VPS13A: variants seen among roughly 807,000 people sequenced by gnomAD.
VPS13A encodes the protein intermembrane lipid transfer protein VPS13A.
Under a neutral mutation model 390.9 loss-of-function variants are expected in VPS13A, and 264 were observed. The observed-to-expected ratio is 0.68, with a 90% CI of 0.61 to 0.75. VPS13A has a LOEUF of 0.75. Ranked by LOEUF, VPS13A falls within the 30% of genes least tolerant of loss-of-function variation. The pLI is 0.00. For missense variants in VPS13A, 3,409 were observed against 3,733.9 expected (o/e 0.91, Z 2.27); for synonymous variants, 1,231 against 1,227.1 (o/e 1.00, Z -0.07).
chr9:77,410,424 G>A (rs1169536198), intron 71 of VPS13A, among the ~76,000 whole-genome samples: 4 of 152,076 alleles, frequency 2.6e-5, no homozygotes, highest in African/African-American at 7.2e-5. Context: ...CATAATGACA[G>A]GATCAAATTC....
At chr9:77,384,077 C>T (rs1833574068) in intron 68 of VPS13A, among the ~76,000 whole-genome samples, 1 of 151,054 alleles carries the variant, frequency 6.6e-6, no homozygotes, top group East Asian at 1.9e-4. Context: ...GATTTAAAAT[C>T]CATCTCATCT....
chr9:77,189,060 A>G lies in VPS13A; in HGVS notation c.101-10885A>G, dbSNP rs1450218730. Among the ~76,000 whole-genome samples, 20 of 144,836 alleles carry G rather than the reference A, an allele frequency of 1.4e-4. No individual in the cohort carries two copies. In the East Asian group the frequency reaches 4.1e-3, roughly 30 times the overall value. The stretch of plus-strand genomic sequence containing the variant: ...GCAAATGTTTTCTCCCATTTTGTAG[A>G]TTGTCTGTTTACTCTGTGGACAGTT... On this transcript the variant is annotated intron_variant, in intron 1 of 71. Coordinates refer to ENST00000360280, the MANE Select transcript of VPS13A (RefSeq NM_033305.3).
At chr9:77,404,925 G>T (rs1458688558) in intron 69 of VPS13A, among the ~76,000 whole-genome samples, 1 of 152,210 alleles carries the variant, frequency 6.6e-6, no homozygotes, top group African/African-American at 2.4e-5. Context: ...ACAGAAGATG[G>T]AAGTGAGAGA....
rs1315016655 is a variant in VPS13A, at chr9:77,345,158, A to G, written c.7289+16A>G. 2 of 1,611,744 alleles carry G rather than the reference A, an allele frequency of 1.2e-6. No individual in the cohort carries two copies. Among genetic ancestry groups the G allele is most frequent in the African/African-American group, 1.3e-5 (1 of 74,892 alleles). On this transcript the variant is annotated intron_variant, in intron 52 of 71. Coordinates refer to ENST00000360280, the MANE Select transcript of VPS13A (RefSeq NM_033305.3). ...ACAATCAAAGGTAAGATTATCACAAATACAGTAACTCTTGATGGTGTAAGT... is the reference window on the plus strand; with the variant it reads ...ACAATCAAAGGTAAGATTATCACAAGTACAGTAACTCTTGATGGTGTAAGT...
chr9:77,397,077 C>G (rs185545276), intron 68 of VPS13A, among the ~76,000 whole-genome samples: 96 of 152,280 alleles, frequency 6.3e-4, no homozygotes, highest in Non-Finnish European at 9.8e-4. Flanking sequence ...CAACCTCTGC[C>G]TCCTAGGTTC....
At chr9:77,193,298 G>A (rs984959361) in intron 1 of VPS13A, among the ~76,000 whole-genome samples, 3 of 151,596 alleles carry the variant, frequency 2.0e-5, no homozygotes, top group Admixed American at 6.6e-5. Context: ...CCCGAATTTC[G>A]GTATCTTCTG....
intron 53 of VPS13A, among the ~76,000 whole-genome samples, chr9:77,352,075 A>G (rs1831505411): frequency 6.6e-6 from 1 of 152,204 alleles, no homozygotes; most frequent in Non-Finnish European, 1.5e-5. Context: ...AGTTGTGTTT[A>G]GAGAAGTGCT....
chr9:77,227,337 G>A, intron 15 of VPS13A, 54 bp from the exon 16 acceptor site: 1 of 1,262,484 alleles, frequency 7.9e-7, no homozygotes, highest in South Asian at 1.2e-5. Context: ...GATACATTGT[G>A]TTAATTTTAT....
rs538807816 is a variant in VPS13A, at chr9:77,236,588, C to A, written c.1596-1414C>A. On this transcript the variant is annotated intron_variant, in intron 17 of 71. Coordinates refer to ENST00000360280, the MANE Select transcript of VPS13A (RefSeq NM_033305.3). Reference sequence around the variant, plus strand: ...TAATTCCCAGTACCTGCAAATATAGCCTTATTTGGAAATAGCCTTTGCAGA... The same window carrying A: ...TAATTCCCAGTACCTGCAAATATAGACTTATTTGGAAATAGCCTTTGCAGA... 1.9e-4 allele frequency among the ~76,000 whole-genome samples: 29 copies of A among 152,234 alleles called. No individual in the cohort carries two copies. In the South Asian group the frequency reaches 4.6e-3, roughly 24 times the overall value.
rs748429353 is a variant in VPS13A at position 77,280,147 on chromosome 9, A to C, written c.2825-12A>C. On this transcript the variant is annotated splice_polypyrimidine_tract_variant and intron_variant, in intron 26 of 71. Coordinates refer to ENST00000360280, the MANE Select transcript of VPS13A (RefSeq NM_033305.3). ...TCCGATGAAAAGATAATTTTTAAAA[A>C]ATTATTTTTAGATGAAAACAAGAAA... The C allele has an allele frequency of 1.9e-6, 3 of 1,588,992 alleles. No homozygotes were observed. The African/African-American group carries it at 4.1e-5, about 21-fold the overall frequency.
chr9:77,225,962 A>G lies in VPS13A; in HGVS notation c.1198A>G (p.Ile400Val), dbSNP rs772598337. 14 of 1,612,250 alleles carry G rather than the reference A, an allele frequency of 8.7e-6. No homozygotes were observed. Among genetic ancestry groups the G allele is most frequent in the Admixed American group, 1.7e-5 (1 of 59,914 alleles). Reference protein sequence around the residue: ...EKTLDVFNITIARQTAEVEVK... With the variant: ...EKTLDVFNITVARQTAEVEVK... Reference sequence around the variant, plus strand: ...AACCTTGGATGTCTTTAATATAACTATAGCTAGACAGACGGCAGAAGTTGA... The same window carrying G: ...AACCTTGGATGTCTTTAATATAACTGTAGCTAGACAGACGGCAGAAGTTGA... Residue 400 changes from isoleucine to valine, a missense_variant, in exon 14 of 72, where the codon ATA (isoleucine) becomes GTA (valine). Transcript: ENST00000360280.
intron 1 of VPS13A, among the ~76,000 whole-genome samples, chr9:77,196,343 A>G (rs892368224): frequency 6.6e-6 from 1 of 152,188 alleles, no homozygotes; most frequent in Non-Finnish European, 1.5e-5. Context: ...GACATTCAAA[A>G]TCTTTCTTCT....
chr9:77,392,136 T>G (rs890930715), intron 68 of VPS13A, among the ~76,000 whole-genome samples: 18 of 152,184 alleles, frequency 1.2e-4, no homozygotes, highest in Admixed American at 1.1e-3. Context: ...GTAAAGAACA[T>G]TAGGAATCAG....
chr9:77,343,513 C>G (rs1401915967), intron 50 of VPS13A, among the ~76,000 whole-genome samples: 1 of 152,108 alleles, frequency 6.6e-6, no homozygotes. Context: ...GCTGGTTCTT[C>G]ATTCTTTTTC....
At chr9:77,265,500 C>T (rs564102113) in intron 23 of VPS13A, among the ~76,000 whole-genome samples, 2 of 152,020 alleles carry the variant, frequency 1.3e-5, no homozygotes, top group Non-Finnish European at 2.9e-5. Flanking sequence ...TTCAGGGATT[C>T]GACTTCTTCC....
intron 52 of VPS13A, among the ~76,000 whole-genome samples, chr9:77,348,024 G>A (rs1302725367): frequency 2.6e-5 from 4 of 152,106 alleles, no homozygotes; most frequent in African/African-American, 7.2e-5. Flanking sequence ...CACTGTTGCT[G>A]GAAGTGTTAA....
At chr9:77,303,808 G>T (rs1291632597) in intron 34 of VPS13A, among the ~76,000 whole-genome samples, 2 of 152,156 alleles carry the variant, frequency 1.3e-5, no homozygotes, top group African/African-American at 2.4e-5. Context: ...GAATAACAAA[G>T]CAGCATTACT....
chr9:77,321,566 C>T lies in VPS13A; in HGVS notation c.5650C>T (p.Leu1884Phe). ...DLAPFMILNS[L>F]GLTISVSPSD... ...AGCACCATTTATGATTTTAAATTCC[C>T]TTGGACTTACTATTTCTGTTTCGCC... Residue 1884 changes from leucine to phenylalanine, a missense_variant, in exon 44 of 72, where the codon CTT becomes TTT. Around this residue, in one of 5 missense-constraint regions of VPS13A, gnomAD observed 2,717 missense variants for 2,917.4 expected, o/e 0.93. Transcript: ENST00000360280. 1.2e-6 allele frequency: 2 copies of T among 1,613,392 alleles called. No homozygotes were observed. The highest frequency in any genetic ancestry group is 1.7e-6 in the Non-Finnish European group (2 of 1,179,606).
intron 1 of VPS13A, among the ~76,000 whole-genome samples, chr9:77,196,743 A>C (rs1347881921): frequency 6.6e-6 from 1 of 151,908 alleles, no homozygotes; most frequent in African/African-American, 2.4e-5. Flanking sequence ...TTAGCAGTGC[A>C]TCTGTTTGTA....
Sources: gnomAD v4.1 joint callset for allele counts (sites outside exome capture counted in the v4.1 genomes callset) on GRCh38, gnomAD v4.1.1 for gene constraint, gnomAD v4.1.1 regional missense constraint, MANE v1.5 for transcripts, NCBI Gene and HGNC (gene_info 2026-07-23, HGNC 2026-07-21) for gene names.